The following TNFRSF8 variants were observed in gnomAD, a reference collection of about 807,000 sequenced individuals.
TNFRSF8 encodes TNF receptor superfamily member 8.
Under a neutral mutation model 70.8 loss-of-function variants are expected in TNFRSF8, and 26 were observed. The observed-to-expected ratio is 0.37, with a 90% CI of 0.27 to 0.51. TNFRSF8 has a LOEUF of 0.51. Among genes scored for constraint, TNFRSF8 ranks in the 20% least tolerant of loss-of-function variants. TNFRSF8 has a pLI of 0.94. For synonymous variants in TNFRSF8, 356 were observed against 339.2 expected (o/e 1.05, Z -0.54); for missense variants, 720 against 807.9 (o/e 0.89, Z 1.32).
At chr1:12,070,144 G>C (rs1435486673) in intron 1 of TNFRSF8, among the ~76,000 whole-genome samples, 1 of 92,260 alleles carries the variant, frequency 1.1e-5, no homozygotes, top group Admixed American at 1.3e-4. Flanking sequence ...TCTGTCTGCT[G>C]TGGGGGGCTG....
At chr1:12,097,341 C>A in intron 3 of TNFRSF8, 124 bp downstream of exon 3, 1 of 657,282 alleles carries the variant, frequency 1.5e-6, no homozygotes, top group Non-Finnish European at 2.7e-6. Context: ...GAATTGTCCT[C>A]CTGGTGCCTC....
intron 8 of TNFRSF8, among the ~76,000 whole-genome samples, chr1:12,122,773 A>G (rs1172638997): frequency 2.0e-5 from 3 of 152,216 alleles, no homozygotes; most frequent in Non-Finnish European, 4.4e-5. Context: ...CAAAAGGTCT[A>G]GCGTCACTGT....
chr1:12,111,534 A>G (rs1641630974), intron 6 of TNFRSF8, among the ~76,000 whole-genome samples: 1 of 152,086 alleles, frequency 6.6e-6, no homozygotes, highest in Non-Finnish European at 1.5e-5. Flanking sequence ...CTCCCTGCCC[A>G]ATACCATTCT....
Position 12,088,015 on chromosome 1 carries a change from G to T in TNFRSF8, c.151+3464G>T, listed in dbSNP as rs192582597. Among the ~76,000 whole-genome samples, 2 of 152,080 alleles carry T rather than the reference G, an allele frequency of 1.3e-5. No homozygotes were observed. The highest frequency in any genetic ancestry group is 4.2e-4 in the South Asian group (2 of 4,812). On this transcript the variant is annotated intron_variant, in intron 2 of 14. Coordinates refer to ENST00000263932, the MANE Select transcript of TNFRSF8 (RefSeq NM_001243.5). This position sits in a 1 kb window ranked among gnomAD's most constrained non-coding sequence, Gnocchi z 4.0. ...ACAAAAACCCCTTCTTTGATCTCTCGGGGAAATTTCTTGACATTTTGCCTG... is the reference window on the plus strand; with the variant it reads ...ACAAAAACCCCTTCTTTGATCTCTCTGGGAAATTTCTTGACATTTTGCCTG...
chr1:12,123,356 A>G lies in TNFRSF8; in HGVS notation c.1019A>G (p.Glu340Gly). 6.2e-7 allele frequency: 1 copy of G among 1,612,204 alleles called. No homozygotes were observed. The highest frequency in any genetic ancestry group is 8.5e-7 in the Non-Finnish European group (1 of 1,179,348). The change falls in exon 9 of 15, where the codon GAG becomes GGG. Residue 340 changes from glutamate (E) to glycine (G), a missense_variant. By Grantham distance (98) the Glu-to-Gly change is moderately conservative (BLOSUM62 -2). Coordinates refer to ENST00000263932, the MANE Select transcript of TNFRSF8 (RefSeq NM_001243.5). ...CAGCCGGACTGCAACCCCACCCCAG[A>G]GAATGGCGAGGCGCCTGCCAGGTGA... ...GTQPDCNPTP[E>G]NGEAPASTSP...
chr1:12,092,255 T>C (rs2100979113), intron 2 of TNFRSF8, among the ~76,000 whole-genome samples: 1 of 152,258 alleles, frequency 6.6e-6, no homozygotes, highest in Non-Finnish European at 1.5e-5. Context: ...CATAGCCCAC[T>C]GCAACCTCTA....
At chr1:12,133,244 G>A (rs1642083474) in intron 12 of TNFRSF8, among the ~76,000 whole-genome samples, 2 of 152,074 alleles carry the variant, frequency 1.3e-5, no homozygotes, top group Non-Finnish European at 2.9e-5. Context: ...GGTATGGGCA[G>A]CTCTGCGATC....
At chr1:12,131,917 C>T (rs1464746805) in intron 12 of TNFRSF8, among the ~76,000 whole-genome samples, 1 of 152,060 alleles carries the variant, frequency 6.6e-6, no homozygotes, top group Non-Finnish European at 1.5e-5. Flanking sequence ...CCTCAGCCTC[C>T]CGAGTAGCTG....
At position 12,125,898 on chromosome 1, in the gene TNFRSF8, TG is replaced by T. The variant is rs564328546; in HGVS notation, c.1154-52del. The T allele has an allele frequency of 9.5e-3, 13,564 of 1,431,468 alleles. 98 individuals are homozygous for T. Among genetic ancestry groups the T allele is most frequent in the Non-Finnish European group, 0.012 (12,159 of 1,013,752 alleles). 88.7% of individuals were successfully genotyped at this position (1,431,468 alleles called of 1,614,324 possible). A position where few individuals can be genotyped will look rare whatever the true frequency, so the allele number is the denominator to read the frequency against. On this transcript the variant is annotated intron_variant, in intron 10 of 14. Transcript: ENST00000263932. The stretch of plus-strand genomic sequence containing the variant: ...GGAGGAAGTCGTCTGGGGCTGGGGC[TG>T]TCTTGTGTGGTTGCAGCAAGGCAAA...
intron 4 of TNFRSF8, among the ~76,000 whole-genome samples, chr1:12,107,440 C>A (rs1641544903): frequency 6.6e-6 from 1 of 151,962 alleles, no homozygotes; most frequent in African/African-American, 2.4e-5. Flanking sequence ...GATACGTCTG[C>A]ATTGAGAAGT....
At chr1:12,129,740 C>T (rs1642012727) in intron 12 of TNFRSF8, among the ~76,000 whole-genome samples, 1 of 152,156 alleles carries the variant, frequency 6.6e-6, no homozygotes, top group Admixed American at 6.5e-5. Flanking sequence ...TCGATGTCTC[C>T]CTTTCCTGGT....
intron 1 of TNFRSF8, among the ~76,000 whole-genome samples, chr1:12,082,895 G>A (rs1458256799): frequency 6.6e-6 from 1 of 151,994 alleles, no homozygotes; most frequent in African/African-American, 2.4e-5. Context: ...GAAGATACTT[G>A]CAGTACATAT....
chr1:12,101,612 T>A (rs12409087), intron 3 of TNFRSF8, among the ~76,000 whole-genome samples: 1 of 152,166 alleles, frequency 6.6e-6, no homozygotes, highest in Non-Finnish European at 1.5e-5. Context: ...GTAACGCACG[T>A]GCTACGACAT....
rs1195049433 is a variant in TNFRSF8, at chr1:12,108,082, A to ATT, written c.422-1471_422-1470dup. Among the ~76,000 whole-genome samples the ATT allele has an allele frequency of 4.3e-5, 6 of 138,866 alleles. No individual in the cohort carries two copies. Among genetic ancestry groups the ATT allele is most frequent in the African/African-American group, 7.8e-5 (3 of 38,284 alleles). The allele number at this position is 138,866 out of a possible 152,430, so 91.1% of individuals were successfully genotyped here. A position where few individuals can be genotyped will look rare whatever the true frequency, so the allele number is the denominator to read the frequency against. On this transcript the variant is annotated intron_variant, in intron 4 of 14. Coordinates refer to ENST00000263932, the MANE Select transcript of TNFRSF8 (RefSeq NM_001243.5). The surrounding 1 kb of genome is among the most constrained non-coding windows in gnomAD (Gnocchi z 4.0). ...CACACATACAGGCCACCATTTTTTTATTTTTTTTTTTTTTGTGATGGAGCC... is the reference window on the plus strand; with the variant it reads ...CACACATACAGGCCACCATTTTTTTATTTTTTTTTTTTTTTTGTGATGGAGCC...
At chr1:12,064,352 C>T (rs1640701113) in intron 1 of TNFRSF8, among the ~76,000 whole-genome samples, 1 of 152,310 alleles carries the variant, frequency 6.6e-6, no homozygotes, top group East Asian at 1.9e-4. Flanking sequence ...AAACTGAGCA[C>T]TTACCAGTGG....
rs1382074661 is a variant in TNFRSF8, at chr1:12,135,623, C to T, written c.1335+10C>T. The T allele has an allele frequency of 6.2e-7, 1 of 1,614,050 alleles. No homozygotes were observed. The highest frequency in any genetic ancestry group is 8.5e-7 in the Non-Finnish European group (1 of 1,179,980). On this transcript the variant is annotated intron_variant, in intron 13 of 14. Coordinates refer to ENST00000263932, the MANE Select transcript of TNFRSF8 (RefSeq NM_001243.5). The stretch of plus-strand genomic sequence containing the variant: ...CAGGAGGAGCTCAACGGTAAGTACC[C>T]CTCCCTTGCCCCCACCTCAGCTTCG...
rs753518229 is a variant in TNFRSF8 at position 12,115,670 on chromosome 1, C to T, written c.887C>T (p.Ser296Phe). 1 of 1,614,218 alleles carries T rather than the reference C, an allele frequency of 6.2e-7. No homozygotes were observed. The highest frequency in any genetic ancestry group is 1.7e-5 in the Admixed American group (1 of 60,024). Residue 296 changes from serine (S) to phenylalanine (F), a missense_variant, in exon 8 of 15, where the codon TCC becomes TTC. Coordinates refer to ENST00000263932, the MANE Select transcript of TNFRSF8 (RefSeq NM_001243.5). Reference protein sequence around the residue: ...GMICATSATNSCARCVPYPIC... With the variant: ...GMICATSATNFCARCVPYPIC... The stretch of plus-strand genomic sequence containing the variant: ...ATCTGTGCCACATCAGCCACCAACT[C>T]CTGTGCCCGCTGTGTCCCCTACCCA...
At chr1:12,086,031 G>A (rs1484698376) in intron 2 of TNFRSF8, among the ~76,000 whole-genome samples, 3 of 152,214 alleles carry the variant, frequency 2.0e-5, no homozygotes, top group Admixed American at 2.0e-4. Context: ...TTGCAAGTGG[G>A]CGGGCATCGT....
At chr1:12,115,495 T>A in intron 7 of TNFRSF8, 82 bp from the exon 8 acceptor site, 1 of 1,493,656 alleles carries the variant, frequency 6.7e-7, no homozygotes, top group East Asian at 2.3e-5. Context: ...GACAACTGCT[T>A]CTCTGTCTTC....
Sources: allele counts gnomAD v4.1 joint callset (sites outside exome capture counted in the v4.1 genomes callset), GRCh38; gene constraint gnomAD v4.1.1; non-coding constraint Gnocchi (gnomAD v3.1); transcripts MANE v1.5; gene names NCBI Gene and HGNC (gene_info 2026-07-23, HGNC 2026-07-21).